Variants in TMPRSS11A observed in about 807,000 individuals in gnomAD.
The protein encoded by TMPRSS11A is transmembrane protease serine 11A.
A neutral mutation model predicts 58.9 loss-of-function variants in TMPRSS11A; 53 were observed. That is an observed-to-expected ratio of 0.90 (90% CI 0.72 to 1.13). The LOEUF is 1.13. TMPRSS11A is among the 50% of genes most tolerant of loss of function. The pLI is 0.00. For synonymous variants in TMPRSS11A, 167 were observed against 169.8 expected, an observed-to-expected ratio of 0.98 and a Z score of 0.13; for missense variants, 493 against 499.3, an observed-to-expected ratio of 0.99 and a Z score of 0.12.
rs1720250123 is a variant in TMPRSS11A at position 67,919,175 on chromosome 4, TAAG to T, written c.747_749del (p.Leu250del). On this transcript the variant is annotated inframe_deletion, in exon 8 of 10. Coordinates refer to ENST00000508048, the MANE Select transcript of TMPRSS11A (RefSeq NM_001114387.2). ...TAAATCTTCTGACATTTCTTTTCAT[TAAG>T]GGAGGGTTGATTTTTGTTCCAAAAC... 1 of 1,614,136 alleles carries T rather than the reference TAAG, an allele frequency of 6.2e-7. No homozygotes were observed. The highest frequency in any genetic ancestry group is 1.7e-5 in the Admixed American group (1 of 60,014).
intron 1 of TMPRSS11A, among the ~76,000 whole-genome samples, chr4:67,955,407 TACAGTATC>T (rs1214856215): frequency 3.3e-5 from 5 of 152,224 alleles, no homozygotes; most frequent in Non-Finnish European, 5.9e-5. Flanking sequence ...TGGCACTAGG[TACAGTATC>T]ACCTATTAAA....
chr4:67,920,549 A>ATATATATATATTTT (rs371252656), intron 7 of TMPRSS11A, among the ~76,000 whole-genome samples: 78 of 130,888 alleles, frequency 6.0e-4, no homozygotes, highest in African/African-American at 2.3e-3. Context: ...ATATATATAT[A>ATATATATATATTTT]TTTTTTTTTA....
At chr4:67,942,679 A>G (rs1327680101) in intron 3 of TMPRSS11A, among the ~76,000 whole-genome samples, 3 of 152,176 alleles carry the variant, frequency 2.0e-5, no homozygotes, top group South Asian at 2.1e-4. Context: ...ACCTGCACCA[A>G]TTGGTCAAGT....
intron 1 of TMPRSS11A, among the ~76,000 whole-genome samples, chr4:67,949,508 T>C (rs1273616204): frequency 1.3e-5 from 2 of 152,160 alleles, no homozygotes; most frequent in Non-Finnish European, 2.9e-5. Flanking sequence ...CCTATATGAA[T>C]AAATCTTCAA....
intron 1 of TMPRSS11A, among the ~76,000 whole-genome samples, chr4:67,950,732 G>A (rs1206695065): frequency 6.6e-6 from 1 of 152,222 alleles, no homozygotes; most frequent in Non-Finnish European, 1.5e-5. Context: ...TTTTATTTTT[G>A]AGGGAGAACT....
At chr4:67,947,963 G>C (rs1198297954) in intron 1 of TMPRSS11A, among the ~76,000 whole-genome samples, 1 of 152,052 alleles carries the variant, frequency 6.6e-6, no homozygotes, top group Non-Finnish European at 1.5e-5. Context: ...TAACTCCCGT[G>C]CTTGTTCTCT....
At chr4:67,942,152 C>A (rs745897748) in intron 3 of TMPRSS11A, among the ~76,000 whole-genome samples, 9 of 152,150 alleles carry the variant, frequency 5.9e-5, no homozygotes, top group Admixed American at 1.3e-4. Context: ...TAGAAACATG[C>A]AAATTAAATC....
chr4:67,925,280 A>G (rs1222095489), intron 5 of TMPRSS11A, among the ~76,000 whole-genome samples: 1 of 152,200 alleles, frequency 6.6e-6, no homozygotes, highest in Non-Finnish European at 1.5e-5. Context: ...TACAATTTTT[A>G]TTTGTCAATT....
intron 8 of TMPRSS11A, among the ~76,000 whole-genome samples, chr4:67,918,154 A>G (rs975460252): frequency 6.6e-6 from 1 of 152,236 alleles, no homozygotes; most frequent in Non-Finnish European, 1.5e-5. Context: ...AAATAGATTT[A>G]GTCATTCTCA....
chr4:67,913,351 T>G (rs1169915729), intron 9 of TMPRSS11A, among the ~76,000 whole-genome samples: 1 of 152,186 alleles, frequency 6.6e-6, no homozygotes, highest in East Asian at 1.9e-4. Flanking sequence ...TGTATCAGAC[T>G]AGGCCCCTCA....
chr4:67,930,209 G>A (rs1000815135), intron 4 of TMPRSS11A, among the ~76,000 whole-genome samples, 169 bp from the exon 5 acceptor site: 2 of 152,108 alleles, frequency 1.3e-5, no homozygotes, highest in Admixed American at 6.5e-5. Context: ...CCCTCTTCTA[G>A]CTTTCATTAT....
intron 5 of TMPRSS11A, among the ~76,000 whole-genome samples, chr4:67,927,742 T>C (rs1447144371): frequency 6.6e-6 from 1 of 152,230 alleles, no homozygotes; most frequent in East Asian, 1.9e-4. Context: ...TCTTTCTACA[T>C]TGAACATTCT....
chr4:67,909,924 T>C lies in TMPRSS11A; in HGVS notation c.*1418A>G, dbSNP rs1405332428. ...GTGAACTGCATATCTCTTTTAGATA[T>C]TTTAGGATTATTTTCATGCCTTCTC... On this transcript the variant is annotated 3_prime_UTR_variant, in exon 10 of 10. Coordinates refer to ENST00000508048, the MANE Select transcript of TMPRSS11A (RefSeq NM_001114387.2). 1.3e-5 allele frequency: 2 copies of C among 152,104 alleles called. No individual in the cohort carries two copies. The highest frequency in any genetic ancestry group is 3.8e-4 in the East Asian group (2 of 5,200). 9.4% of individuals were successfully genotyped at this position (152,104 alleles called of 1,614,324 possible). A position where few individuals can be genotyped will look rare whatever the true frequency, so the allele number is the denominator to read the frequency against.
intron 3 of TMPRSS11A, among the ~76,000 whole-genome samples, chr4:67,939,615 T>A (rs773107769): frequency 3.5e-4 from 53 of 152,316 alleles, no homozygotes; most frequent in Non-Finnish European, 7.2e-4. Flanking sequence ...AGTGTTTTTA[T>A]TATGAAGGGA....
intron 7 of TMPRSS11A, 74 bp downstream of exon 7, chr4:67,922,681 A>G: frequency 7.0e-7 from 1 of 1,421,004 alleles, no homozygotes; most frequent in Non-Finnish European, 9.7e-7. Flanking sequence ...TGAGACATTA[A>G]TTGTTACCAA....
At chr4:67,925,953 C>T (rs1720456319) in intron 5 of TMPRSS11A, among the ~76,000 whole-genome samples, 2 of 152,070 alleles carry the variant, frequency 1.3e-5, no homozygotes, top group South Asian at 4.1e-4. Flanking sequence ...CTAATTTTGA[C>T]CAAAGATTTT....
chr4:67,953,681 C>G (rs1221226702), intron 1 of TMPRSS11A, among the ~76,000 whole-genome samples: 1 of 152,080 alleles, frequency 6.6e-6, no homozygotes, highest in South Asian at 2.1e-4. Context: ...GCCTGTAATC[C>G]CAGCTACTGG....
intron 1 of TMPRSS11A, among the ~76,000 whole-genome samples, chr4:67,948,112 GAA>G (rs1272438717): frequency 2.0e-5 from 3 of 150,190 alleles, no homozygotes; most frequent in African/African-American, 7.4e-5. Flanking sequence ...TTGATTTATA[GAA>G]AGTTTTTCTT....
Position 67,914,574 on chromosome 4 carries a change from T to C in TMPRSS11A, c.1095+14A>G, listed in dbSNP as rs1720095392. The C allele has an allele frequency of 2.5e-6, 4 of 1,611,444 alleles. No homozygotes were observed. Among genetic ancestry groups the C allele is most frequent in the Admixed American group, 3.4e-5 (2 of 59,580 alleles). ...TTTTTGAGTTAGTAATATAAAAAAA[T>C]CCCTCCAACTTACCCTGCAGGCATC... On this transcript the variant is annotated intron_variant, in intron 9 of 9. Transcript: ENST00000508048.
Sources: gnomAD v4.1 joint callset for allele counts (sites outside exome capture counted in the v4.1 genomes callset) on GRCh38, gnomAD v4.1.1 for gene constraint, MANE v1.5 for transcripts, NCBI Gene and HGNC (gene_info 2026-07-23, HGNC 2026-07-21) for gene names.